Variants in KCNIP4 observed in about 807,000 individuals in gnomAD.
The protein encoded by KCNIP4 is potassium voltage-gated channel interacting protein 4, also known as Kv channel-interacting protein 4.
KCNIP4 carries 12 observed loss-of-function variants against 34.0 expected under a neutral mutation model. That is an observed-to-expected ratio of 0.35 (90% CI 0.23 to 0.57). The LOEUF (loss-of-function observed/expected upper bound fraction) is 0.57. KCNIP4 is among the 20% of genes least tolerant of loss of function. The pLI is 0.83. For missense variants in KCNIP4, 238 were observed against 311.7 expected (o/e 0.76, Z 1.78); for synonymous variants, 124 against 102.2 (o/e 1.21, Z -1.29).
intron 1 of KCNIP4, among the ~76,000 whole-genome samples, chr4:21,566,160 G>A (rs1177059806): frequency 5.9e-5 from 9 of 152,142 alleles, no homozygotes; most frequent in Non-Finnish European, 1.0e-4. Flanking sequence ...GAGACAGGGC[G>A]GAGCCGAAAG....
At chr4:21,887,275 C>T (rs114388887) in intron 1 of KCNIP4, among the ~76,000 whole-genome samples, 6 of 151,980 alleles carry the variant, frequency 3.9e-5, no homozygotes, top group South Asian at 4.2e-4. Context: ...GGTTCCAGCA[C>T]GGTCAGGTTC....
At chr4:20,934,597 C>T (rs1730848796) in intron 1 of KCNIP4, among the ~76,000 whole-genome samples, 1 of 152,162 alleles carries the variant, frequency 6.6e-6, no homozygotes, top group African/African-American at 2.4e-5. Flanking sequence ...TCTCTTTAAT[C>T]CACACACTAT....
intron 1 of KCNIP4, among the ~76,000 whole-genome samples, chr4:21,556,945 C>G (rs1200367724): frequency 1.6e-5 from 1 of 63,368 alleles, no homozygotes; most frequent in African/African-American, 7.5e-5. Context: ...AAAAAAAAAC[C>G]AGAAAACAAA....
chr4:21,511,389 G>A (rs1356578778), intron 1 of KCNIP4, among the ~76,000 whole-genome samples: 4 of 86,064 alleles, frequency 4.6e-5, no homozygotes, highest in African/African-American at 7.2e-5. Context: ...CCTGGTGAAT[G>A]TCCTCATTCT....
At chr4:20,985,956 C>T (rs1736534005) in intron 1 of KCNIP4, among the ~76,000 whole-genome samples, 1 of 152,084 alleles carries the variant, frequency 6.6e-6, no homozygotes, top group Admixed American at 6.6e-5. Flanking sequence ...GAATACACTC[C>T]GTCTCTGAAT....
At chr4:21,121,927 G>C (rs1750193229) in intron 1 of KCNIP4, among the ~76,000 whole-genome samples, 1 of 152,152 alleles carries the variant, frequency 6.6e-6, no homozygotes, top group Admixed American at 6.5e-5. Flanking sequence ...GCCATCTTTT[G>C]AACTTGACAC....
At chr4:21,143,748 G>A (rs1279304218) in intron 1 of KCNIP4, among the ~76,000 whole-genome samples, 2 of 151,450 alleles carry the variant, frequency 1.3e-5, no homozygotes, top group African/African-American at 4.9e-5. Context: ...CTGTCACCCA[G>A]GCTGGAGTAC....
At chr4:21,860,743 C>A (rs1191517570) in intron 1 of KCNIP4, among the ~76,000 whole-genome samples, 2 of 152,030 alleles carry the variant, frequency 1.3e-5, no homozygotes, top group African/African-American at 4.8e-5. Context: ...TGCTTGTATA[C>A]ACAATTGAAG....
At chr4:21,081,260 T>G (rs1395121814) in intron 1 of KCNIP4, among the ~76,000 whole-genome samples, 1 of 151,868 alleles carries the variant, frequency 6.6e-6, no homozygotes. Context: ...AAGGCCTAGC[T>G]GATTATTGTT....
rs144168432 is a variant in KCNIP4, at chr4:21,371,339, C to T, written c.62-488630G>A. Among the ~76,000 whole-genome samples the T allele has an allele frequency of 5.3e-4, 78 of 146,354 alleles. 9 individuals are homozygous for T. In the East Asian group the frequency reaches 0.015, roughly 28 times the overall value. On this transcript the variant is annotated intron_variant, in intron 1 of 8. Transcript: ENST00000382152. ...GCAAGAAGGTCAACAGTAATAATGA[C>T]CCAGAATTGGAATAGTTTTGGCAGA...
intron 1 of KCNIP4, among the ~76,000 whole-genome samples, chr4:20,901,757 T>A (rs749675056): frequency 1.4e-4 from 21 of 152,136 alleles, no homozygotes; most frequent in Non-Finnish European, 2.4e-4. Context: ...AGAATAAGTA[T>A]ACTAAACTCA....
At chr4:21,690,927 A>G (rs1577853578) in intron 1 of KCNIP4, among the ~76,000 whole-genome samples, 1 of 152,318 alleles carries the variant, frequency 6.6e-6, no homozygotes, top group East Asian at 1.9e-4. Flanking sequence ...ATACAGAGAA[A>G]TATTTGAGAG....
At chr4:21,483,586 G>C (rs1731643475) in intron 1 of KCNIP4, among the ~76,000 whole-genome samples, 1 of 151,828 alleles carries the variant, frequency 6.6e-6, no homozygotes, top group South Asian at 2.1e-4. Flanking sequence ...TCAGAAGATA[G>C]AGATCATTCT....
At position 21,368,631 on chromosome 4, in the gene KCNIP4, T is replaced by C. The variant is rs1208279594; in HGVS notation, c.62-485922A>G. Among the ~76,000 whole-genome samples the C allele has an allele frequency of 2.0e-5, 3 of 147,474 alleles. 1 individual carries two copies. Among genetic ancestry groups the C allele is most frequent in the Admixed American group, 6.6e-5 (1 of 15,204 alleles). On this transcript the variant is annotated intron_variant, in intron 1 of 8. Transcript: ENST00000382152. ...TGTAGCCAAATAGATGTAGGCAGTCTGGTTCTAGAGCCTGTGAAGTTACTT... is the reference window on the plus strand; with the variant it reads ...TGTAGCCAAATAGATGTAGGCAGTCCGGTTCTAGAGCCTGTGAAGTTACTT...
chr4:21,483,710 A>C (rs1387748736), intron 1 of KCNIP4, among the ~76,000 whole-genome samples: 2 of 152,016 alleles, frequency 1.3e-5, no homozygotes, highest in Non-Finnish European at 2.9e-5. Context: ...GAATCCCTTG[A>C]ACCTGGGAGG....
chr4:21,947,711 T>C (rs546847450), intron 1 of KCNIP4, among the ~76,000 whole-genome samples: 2 of 152,316 alleles, frequency 1.3e-5, no homozygotes, highest in Non-Finnish European at 2.9e-5. Context: ...CCTTAGCTTA[T>C]GTAATCAGGG....
At position 20,729,160 on chromosome 4, in the gene KCNIP4, A is replaced by AAGTC. The variant is rs900028873; in HGVS notation, c.*918_*921dup. 6.6e-6 allele frequency: 1 copy of AAGTC among 152,522 alleles called. No individual in the cohort carries two copies. Among genetic ancestry groups the AAGTC allele is most frequent in the African/African-American group, 2.4e-5 (1 of 41,370 alleles). 9.4% of individuals were successfully genotyped at this position (152,522 alleles called of 1,614,324 possible). A position where few individuals can be genotyped will look rare whatever the true frequency, so the allele number is the denominator to read the frequency against. On this transcript the variant is annotated 3_prime_UTR_variant, in exon 9 of 9. Transcript: ENST00000382152. ...TAATATAAATAAACATGCTGTAAGG[A>AAGTC]AGTCAGGGGAAAGAGGACAGATTTG...
At chr4:21,142,813 G>T (rs980572535) in intron 1 of KCNIP4, among the ~76,000 whole-genome samples, 3 of 152,112 alleles carry the variant, frequency 2.0e-5, no homozygotes, top group African/African-American at 7.2e-5. Context: ...GAATAAAACT[G>T]CAAATATGAT....
intron 1 of KCNIP4, among the ~76,000 whole-genome samples, chr4:21,329,662 G>A (rs912414704): frequency 8.5e-5 from 13 of 152,118 alleles, no homozygotes; most frequent in East Asian, 3.9e-4. Context: ...TATCAAGGAA[G>A]GCTTCCCAAA....
Sources: allele counts gnomAD v4.1 joint callset (sites outside exome capture counted in the v4.1 genomes callset), GRCh38; gene constraint gnomAD v4.1.1; transcripts MANE v1.5; gene names NCBI Gene and HGNC (gene_info 2026-07-23, HGNC 2026-07-21).